ZXDC: variants seen among roughly 807,000 people sequenced by gnomAD.
ZXDC encodes the protein ZXD family zinc finger C, also known as zinc finger protein ZXDC.
ZXDC carries 58 observed loss-of-function variants against 63.6 expected under a neutral mutation model. That is an observed-to-expected ratio of 0.91 (90% confidence interval 0.74 to 1.13). The LOEUF (loss-of-function observed/expected upper bound fraction) is 1.13. ZXDC is among the 50% of genes most tolerant of loss of function. The probability of loss-of-function intolerance (pLI) is 0.00; values close to 1 mark genes in which losing one functional copy is unlikely to be tolerated. For missense variants in ZXDC, 1,133 were observed against 1,148.9 expected (o/e 0.99, Z 0.20); for synonymous variants, 561 against 496.1 (o/e 1.13, Z -1.74).
At chr3:126,447,500 G>C (rs929479135) in intron 7 of ZXDC, among the ~76,000 whole-genome samples, 1 of 152,134 alleles carries the variant, frequency 6.6e-6, no homozygotes, top group African/African-American at 2.4e-5. Flanking sequence ...TTGTCATTAA[G>C]TAATCATCAT....
At chr3:126,444,424 C>T (rs926607279) in intron 7 of ZXDC, among the ~76,000 whole-genome samples, 3 of 151,522 alleles carry the variant, frequency 2.0e-5, no homozygotes, top group South Asian at 2.1e-4. Flanking sequence ...CCCAGCTACT[C>T]GGGAGGCTGA....
intron 7 of ZXDC, chr3:126,451,849 C>A (rs1381381318): frequency 1.0e-6 from 1 of 984,974 alleles, no homozygotes; most frequent in African/African-American, 1.7e-5. Flanking sequence ...TCAGTGGCAC[C>A]CGTGCAGGAA....
intron 7 of ZXDC, chr3:126,459,269 A>G (rs1934428433): frequency 7.1e-6 from 7 of 985,274 alleles, no homozygotes; most frequent in Non-Finnish European, 7.2e-6. Context: ...GTACCTGGGG[A>G]CAGTGGCAGT....
chr3:126,441,575 C>A, intron 8 of ZXDC, 190 bp downstream of exon 8: 1 of 1,334,234 alleles, frequency 7.5e-7, no homozygotes, highest in Non-Finnish European at 9.6e-7. Flanking sequence ...GCAGGACAGG[C>A]TGGGAAAAAG....
chr3:126,467,191 G>A (rs1222296780), intron 4 of ZXDC, among the ~76,000 whole-genome samples: 1 of 152,126 alleles, frequency 6.6e-6, no homozygotes, highest in Non-Finnish European at 1.5e-5. Flanking sequence ...GGGCCACCCT[G>A]CAGCAGAGCA....
In ZXDC at chr3:126,475,802, C is replaced by A. The variant is rs954903813; in HGVS notation, c.64G>T (p.Gly22Cys). Residue 22 changes from glycine to cysteine, a missense_variant, in exon 1 of 10, where the codon GGC (glycine) becomes TGC (cysteine). Gly to Cys is a radical substitution (Grantham distance 159). Transcript: ENST00000389709. ...ARGGQHGGGP[G>C]PLRRAPAPLG... ...GGCGCTGGGGCTCGGCGGAGCGGGC[C>A]GGGGCCGCCGCCATGTTGCCCTCCG... The A allele has an allele frequency of 1.8e-6, 2 of 1,089,362 alleles. No homozygotes were observed. Among genetic ancestry groups the A allele is most frequent in the East Asian group, 5.9e-5 (1 of 16,968 alleles). The allele number at this position is 1,089,362 out of a possible 1,614,324, so 67.5% of individuals were successfully genotyped here. A position where few individuals can be genotyped will look rare whatever the true frequency, so the allele number is the denominator to read the frequency against.
intron 7 of ZXDC, among the ~76,000 whole-genome samples, chr3:126,456,396 G>A (rs559648208): frequency 6.6e-6 from 1 of 152,246 alleles, no homozygotes; most frequent in African/African-American, 2.4e-5. Flanking sequence ...AGCCTCTGGA[G>A]GGCTGGAGAC....
chr3:126,452,998 A>G, intron 7 of ZXDC: 12 of 984,646 alleles, frequency 1.2e-5, no homozygotes, highest in Non-Finnish European at 1.4e-5. Context: ...TCAGCCTCCC[A>G]CAGTGCTGGG....
At chr3:126,460,442 G>A (rs1300254181) in intron 6 of ZXDC, 1 of 983,158 alleles carries the variant, frequency 1.0e-6, no homozygotes, top group Non-Finnish European at 1.2e-6. Flanking sequence ...CACACAGCTA[G>A]CAAGAAAATG....
intron 8 of ZXDC, chr3:126,439,993 A>G (rs960118902): frequency 7.4e-7 from 1 of 1,355,558 alleles, no homozygotes; most frequent in Admixed American, 3.6e-5. Context: ...CCCCTCAGTC[A>G]GCCCAAATAC....
chr3:126,448,451 G>A (rs899447603), intron 7 of ZXDC, among the ~76,000 whole-genome samples: 1 of 152,120 alleles, frequency 6.6e-6, no homozygotes, highest in Non-Finnish European at 1.5e-5. Context: ...TGGGAGCCTC[G>A]AGAGGCCACT....
intron 7 of ZXDC, among the ~76,000 whole-genome samples, chr3:126,445,541 C>A (rs1330480109): frequency 1.3e-5 from 2 of 151,862 alleles, no homozygotes. Flanking sequence ...CACTCCAAGG[C>A]AACACACTGC....
In ZXDC at chr3:126,439,668, G is replaced by C. The variant is rs1245072452; in HGVS notation, c.2454C>G (p.Pro818=). 1 of 1,553,788 alleles carries C rather than the reference G, an allele frequency of 6.4e-7. No homozygotes were observed. The highest frequency in any genetic ancestry group is 8.7e-7 in the Non-Finnish European group (1 of 1,147,930). The change falls in exon 9 of 10, where the codon CCC becomes CCG. Residue 818 remains proline, a synonymous_variant. Coordinates refer to ENST00000389709, the MANE Select transcript of ZXDC (RefSeq NM_025112.5). ...PSARGPATFL[P]FLTVDLPVYV... ...AGACGGGCAGGTCCACAGTGAGGAA[G>C]GGGAGGAAGGTGGCTGGGCCGCGGG...
chr3:126,444,343 T>A (rs185789047), intron 7 of ZXDC, among the ~76,000 whole-genome samples: 2 of 152,138 alleles, frequency 1.3e-5, no homozygotes, highest in Admixed American at 1.3e-4. Flanking sequence ...CCATCCTGGC[T>A]AACACGGTGA....
chr3:126,439,897 A>G, intron 8 of ZXDC, 170 bp from the exon 9 acceptor site: 1 of 1,426,680 alleles, frequency 7.0e-7, no homozygotes, highest in Non-Finnish European at 9.1e-7. Flanking sequence ...GGGGCTGGGT[A>G]CTACCTGTTC....
chr3:126,459,759 T>C (rs2107645631), intron 6 of ZXDC, 22 bp from the exon 7 acceptor site: 1 of 1,614,164 alleles, frequency 6.2e-7, no homozygotes, highest in Non-Finnish European at 8.5e-7. Context: ...GAAAAGCATG[T>C]CAGTCACTTA....
chr3:126,470,812 T>G, intron 4 of ZXDC, 83 bp downstream of exon 4: 1 of 1,571,944 alleles, frequency 6.4e-7, no homozygotes, highest in Middle Eastern at 2.2e-4. Flanking sequence ...AGCTAACATT[T>G]ACCTTTAAAC....
At chr3:126,441,399 CAGA>C (rs1234121113) in intron 8 of ZXDC, 12 of 1,061,086 alleles carry the variant, frequency 1.1e-5, no homozygotes, top group East Asian at 6.4e-5. Flanking sequence ...CCCAGCCCTG[CAGA>C]AGAAGGGCAG....
intron 9 of ZXDC, among the ~76,000 whole-genome samples, chr3:126,439,000 T>A (rs1056689435): frequency 1.3e-5 from 2 of 152,214 alleles, no homozygotes; most frequent in Non-Finnish European, 2.9e-5. Flanking sequence ...CAGACACTTC[T>A]GAAGTTCTCT....
Sources: gnomAD v4.1 joint callset for allele counts (sites outside exome capture counted in the v4.1 genomes callset) on GRCh38, gnomAD v4.1.1 for gene constraint, MANE v1.5 for transcripts, NCBI Gene and HGNC (gene_info 2026-07-23, HGNC 2026-07-21) for gene names.